Variants in SV2C observed in about 807,000 individuals in gnomAD.
SV2C encodes solute carrier family 22 member B3.
SV2C carries 49 observed loss-of-function variants against 79.7 expected under a neutral mutation model. That is an observed-to-expected ratio of 0.61 (90% CI 0.49 to 0.78). The LOEUF is 0.78. Among genes scored for constraint, SV2C ranks in the 30% least tolerant of loss-of-function variants. The pLI is 0.00. For synonymous variants in SV2C, 334 were observed against 333.2 expected, an observed-to-expected ratio of 1.00 and a Z score of -0.03; for missense variants, 833 against 912.9, an observed-to-expected ratio of 0.91 and a Z score of 1.13.
intron 4 of SV2C, among the ~76,000 whole-genome samples, chr5:76,271,559 A>G (rs1318657651): frequency 6.6e-6 from 1 of 151,280 alleles, no homozygotes; most frequent in Admixed American, 6.6e-5. Context: ...AATGGACTAT[A>G]TACTGTGCTA....
the SV2C span, among the ~76,000 whole-genome samples, chr5:75,903,168 T>C: frequency 6.6e-6 from 1 of 152,166 alleles, no homozygotes; most frequent in African/African-American, 2.4e-5. Context: ...TCTGTCATTG[T>C]TCCAGTATTC....
intron 4 of SV2C, among the ~76,000 whole-genome samples, chr5:76,222,955 T>C (rs1745112093): frequency 1.3e-5 from 2 of 152,276 alleles, no homozygotes; most frequent in Non-Finnish European, 2.9e-5. Flanking sequence ...TTCTTCAAAA[T>C]GTTCTCTGTA....
chr5:76,203,363 G>A (rs1744511397), intron 3 of SV2C, among the ~76,000 whole-genome samples: 1 of 152,118 alleles, frequency 6.6e-6, no homozygotes, highest in African/African-American at 2.4e-5. Flanking sequence ...GATGAGTGCA[G>A]GAATGGATGA....
chr5:76,303,431 T>C (rs1748077062), intron 12 of SV2C, among the ~76,000 whole-genome samples: 1 of 152,142 alleles, frequency 6.6e-6, no homozygotes, highest in Admixed American at 6.5e-5. Flanking sequence ...GCCACTGCAC[T>C]CCAGCCTGAG....
chr5:75,952,731 T>C, the SV2C span, among the ~76,000 whole-genome samples: 1 of 151,866 alleles, frequency 6.6e-6, no homozygotes, highest in East Asian at 1.9e-4. Context: ...GTCAAGCAGA[T>C]GGCAGTGCCT....
intron 4 of SV2C, among the ~76,000 whole-genome samples, chr5:76,220,908 C>T (rs953575093): frequency 6.6e-6 from 1 of 152,094 alleles, no homozygotes; most frequent in Non-Finnish European, 1.5e-5. Context: ...TCCTGGAAGT[C>T]CCACACAAAT....
chr5:76,228,469 A>G (rs1382515936), intron 4 of SV2C, among the ~76,000 whole-genome samples: 1 of 152,192 alleles, frequency 6.6e-6, no homozygotes, highest in Non-Finnish European at 1.5e-5. Context: ...GATGCACTTC[A>G]GGAAGGCTCA....
chr5:76,316,835 T>G (rs895916067), intron 12 of SV2C, among the ~76,000 whole-genome samples: 3 of 152,104 alleles, frequency 2.0e-5, no homozygotes, highest in African/African-American at 7.2e-5. Flanking sequence ...GCCACTACCC[T>G]CAGCTCGATA....
the SV2C span, among the ~76,000 whole-genome samples, chr5:75,945,679 C>T: frequency 6.6e-6 from 1 of 151,778 alleles, no homozygotes; most frequent in African/African-American, 2.4e-5. Context: ...ATAGCTTAGA[C>T]CATAGAACAA....
the SV2C span, among the ~76,000 whole-genome samples, chr5:75,973,857 G>GTCAT: frequency 6.6e-6 from 1 of 152,000 alleles, no homozygotes; most frequent in East Asian, 1.9e-4. Context: ...CTAACCTCAT[G>GTCAT]TCATATGAAA....
chr5:76,103,596 A>G (rs1035081430), intron 1 of SV2C, among the ~76,000 whole-genome samples: 2 of 152,236 alleles, frequency 1.3e-5, no homozygotes, highest in South Asian at 4.1e-4. Flanking sequence ...AGACAGTTGT[A>G]TGCTCTTATA....
At chr5:75,869,177 C>G in the SV2C span, among the ~76,000 whole-genome samples, 1 of 151,590 alleles carries the variant, frequency 6.6e-6, no homozygotes, top group Non-Finnish European at 1.5e-5. Flanking sequence ...AGGTACCCAC[C>G]TGGCCACAGG....
At chr5:76,128,196 G>A (rs549163940) in intron 1 of SV2C, among the ~76,000 whole-genome samples, 3 of 152,202 alleles carry the variant, frequency 2.0e-5, no homozygotes, top group South Asian at 2.1e-4. Flanking sequence ...CTTTCCTGCC[G>A]TCCTGGCCCA....
intron 2 of SV2C, among the ~76,000 whole-genome samples, chr5:76,184,086 T>C (rs536044807): frequency 5.1e-4 from 77 of 152,382 alleles, no homozygotes; most frequent in Non-Finnish European, 9.7e-4. Context: ...ATCTGAACCC[T>C]ATGCCAAAAC....
intron 12 of SV2C, among the ~76,000 whole-genome samples, chr5:76,322,055 A>G (rs1312068174): frequency 6.6e-6 from 1 of 152,192 alleles, no homozygotes; most frequent in Non-Finnish European, 1.5e-5. Context: ...TCACCTCCAT[A>G]GTATCTGAAA....
intron 4 of SV2C, chr5:76,280,951 G>A (rs1747170656): frequency 1.9e-6 from 1 of 534,844 alleles, no homozygotes. Context: ...AGCCTGCCAG[G>A]ATGACAGGAT....
At chr5:76,010,288 T>C in the SV2C span, among the ~76,000 whole-genome samples, 1 of 152,146 alleles carries the variant, frequency 6.6e-6, no homozygotes, top group Non-Finnish European at 1.5e-5. Flanking sequence ...CAATCAAGCC[T>C]TCATGCCTGC....
chr5:76,199,452 G>T (rs758755233), intron 3 of SV2C, among the ~76,000 whole-genome samples: 6 of 152,120 alleles, frequency 3.9e-5, no homozygotes, highest in Non-Finnish European at 7.4e-5. Context: ...CTTCCCAGAG[G>T]CGTTTCCTGA....
chr5:75,881,537 G>C, the SV2C span, among the ~76,000 whole-genome samples: 7 of 152,084 alleles, frequency 4.6e-5, no homozygotes, highest in East Asian at 1.4e-3. Flanking sequence ...GGATTCCTAG[G>C]TATTTTATTC....
Sources: gnomAD v4.1 joint callset for allele counts (sites outside exome capture counted in the v4.1 genomes callset) on GRCh38, gnomAD v4.1.1 for gene constraint, MANE v1.5 for transcripts, NCBI Gene and HGNC (gene_info 2026-07-23, HGNC 2026-07-21) for gene names.